Variants in DCC observed in about 807,000 individuals in gnomAD.
DCC encodes the protein DCC netrin 1 receptor.
In DCC, 58 loss-of-function variants were observed where a neutral mutation model predicts 172.5. That is an observed-to-expected ratio of 0.34 (90% CI 0.27 to 0.42). DCC has a LOEUF of 0.42. Ranked by LOEUF, DCC falls within the 10% of genes least tolerant of loss-of-function variation. The probability of loss-of-function intolerance (pLI) is 1.00; values close to 1 mark genes in which losing one functional copy is unlikely to be tolerated. For synonymous variants in DCC, 709 were observed against 644.5 expected (o/e 1.10, Z -1.52); for missense variants, 1,740 against 1,791.0 (o/e 0.97, Z 0.51).
chr18:53,280,024 C>G (rs2056852908), intron 12 of DCC, among the ~76,000 whole-genome samples: 1 of 151,944 alleles, frequency 6.6e-6, no homozygotes, highest in Non-Finnish European at 1.5e-5. Context: ...TAATCTATAC[C>G]AAGCCCCTAT....
At chr18:52,486,943 C>A in intron 1 of DCC, among the ~76,000 whole-genome samples, 1 of 152,032 alleles carries the variant, frequency 6.6e-6, no homozygotes, top group East Asian at 1.9e-4. Flanking sequence ...CTGTAGGGAA[C>A]AAGAAAAACT....
At chr18:52,949,306 G>A (rs777065798) in intron 5 of DCC, among the ~76,000 whole-genome samples, 2 of 152,090 alleles carry the variant, frequency 1.3e-5, no homozygotes, top group Admixed American at 6.6e-5. Context: ...GGACCCAGCC[G>A]GAAAGCAAAT....
chr18:53,162,363 A>G (rs4380114), intron 8 of DCC, among the ~76,000 whole-genome samples: 60,806 of 151,048 alleles, frequency 0.4, 13,147 homozygotes, highest in East Asian at 0.71. Flanking sequence ...CTTCTTACCC[A>G]CTTCTTAAGT....
At chr18:52,898,800 G>T (rs1213804203) in intron 2 of DCC, among the ~76,000 whole-genome samples, 3 of 151,956 alleles carry the variant, frequency 2.0e-5, no homozygotes, top group African/African-American at 7.3e-5. Context: ...AAATATTTGG[G>T]TTGTGCCTAG....
chr18:53,361,052 G>A (rs2144931524), intron 15 of DCC, among the ~76,000 whole-genome samples: 1 of 152,108 alleles, frequency 6.6e-6, no homozygotes, highest in East Asian at 1.9e-4. Flanking sequence ...AATCAGGTGG[G>A]CCCTAAATCC....
At chr18:53,431,690 G>A (rs1911629753) in intron 21 of DCC, among the ~76,000 whole-genome samples, 1 of 152,066 alleles carries the variant, frequency 6.6e-6, no homozygotes, top group Admixed American at 6.6e-5. Flanking sequence ...TTGCCATGTT[G>A]CCCAGGCTGT....
At chr18:52,363,387 C>A (rs186886019) in intron 1 of DCC, among the ~76,000 whole-genome samples, 51 of 152,288 alleles carry the variant, frequency 3.3e-4, no homozygotes, top group Non-Finnish European at 6.8e-4. Flanking sequence ...CCTTCAGAAT[C>A]CCTCATTTCT....
intron 15 of DCC, among the ~76,000 whole-genome samples, chr18:53,354,935 T>C (rs982376877): frequency 5.3e-5 from 8 of 152,070 alleles, no homozygotes; most frequent in African/African-American, 1.7e-4. Context: ...TTAATCCATC[T>C]TGAATTAATT....
intron 26 of DCC, among the ~76,000 whole-genome samples, chr18:53,489,547 T>C (rs1430190893): frequency 6.6e-6 from 1 of 152,184 alleles, no homozygotes; most frequent in Non-Finnish European, 1.5e-5. Context: ...ATTAGTCGCC[T>C]TGGGAAACAG....
At chr18:53,377,720 C>T (rs149356049) in intron 15 of DCC, among the ~76,000 whole-genome samples, 4 of 152,264 alleles carry the variant, frequency 2.6e-5, no homozygotes, top group African/African-American at 9.6e-5. Flanking sequence ...GTTAAAAGGC[C>T]TAATTAGGCA....
intron 7 of DCC, among the ~76,000 whole-genome samples, chr18:53,099,182 A>G (rs948376190): frequency 2.0e-5 from 3 of 152,054 alleles, no homozygotes; most frequent in Non-Finnish European, 4.4e-5. Context: ...CAACTCCTAT[A>G]GTTCCTTCCA....
At chr18:52,948,847 C>T (rs770846403) in intron 5 of DCC, among the ~76,000 whole-genome samples, 3 of 152,124 alleles carry the variant, frequency 2.0e-5, no homozygotes, top group Non-Finnish European at 4.4e-5. Flanking sequence ...CACCATTCTA[C>T]CTGTAAGAAA....
At chr18:52,659,259 C>T (rs28446285) in intron 1 of DCC, among the ~76,000 whole-genome samples, 242 of 152,184 alleles carry the variant, frequency 1.6e-3, no homozygotes, top group Middle Eastern at 3.4e-3. Flanking sequence ...AAATAAACCT[C>T]TCATTTGGGG....
chr18:52,987,199 G>T (rs940652571), intron 5 of DCC, among the ~76,000 whole-genome samples: 5 of 152,012 alleles, frequency 3.3e-5, no homozygotes, highest in Admixed American at 2.0e-4. Context: ...TCACACTCTG[G>T]GTAAGAAGTA....
intron 23 of DCC, among the ~76,000 whole-genome samples, chr18:53,451,823 T>A (rs1296285479): frequency 6.6e-6 from 1 of 152,182 alleles, no homozygotes; most frequent in African/African-American, 2.4e-5. Flanking sequence ...TGAAGTGACA[T>A]GTTTAGAAAG....
At chr18:53,081,724 G>A (rs779152945) in intron 7 of DCC, among the ~76,000 whole-genome samples, 4 of 151,948 alleles carry the variant, frequency 2.6e-5, no homozygotes, top group Non-Finnish European at 4.4e-5. Flanking sequence ...TTTCTATCTC[G>A]GGTGGCCAAA....
chr18:52,731,053 A>T (rs2036632097), intron 1 of DCC, among the ~76,000 whole-genome samples: 1 of 152,150 alleles, frequency 6.6e-6, no homozygotes, highest in Non-Finnish European at 1.5e-5. Context: ...TTGTTTTCAG[A>T]TATTGGCTAT....
chr18:52,574,256 G>T (rs2033362492), intron 1 of DCC, among the ~76,000 whole-genome samples: 1 of 152,002 alleles, frequency 6.6e-6, no homozygotes, highest in African/African-American at 2.4e-5. Flanking sequence ...TGTTATTTTG[G>T]CTAACCATTT....
At chr18:53,094,856 G>A (rs895906145) in intron 7 of DCC, among the ~76,000 whole-genome samples, 2 of 151,628 alleles carry the variant, frequency 1.3e-5, no homozygotes, top group African/African-American at 4.8e-5. Context: ...ATTTTCTGAG[G>A]CCACCTAATA....
Sources: gnomAD v4.1 joint callset for allele counts (sites outside exome capture counted in the v4.1 genomes callset) on GRCh38, gnomAD v4.1.1 for gene constraint, MANE v1.5 for transcripts, NCBI Gene and HGNC (gene_info 2026-07-23, HGNC 2026-07-21) for gene names.